AGAP1: variants seen among roughly 807,000 people sequenced by gnomAD.
AGAP1 encodes ArfGAP with GTPase domain, ankyrin repeat and PH domain 1, also known as arf-GAP with GTPase, ANK repeat and PH domain-containing protein 1.
Under a neutral mutation model 105.3 loss-of-function variants are expected in AGAP1, and 29 were observed. The ratio of observed to expected loss-of-function variants is 0.28; its 90% CI spans 0.21 to 0.38. The LOEUF is 0.38. Among genes scored for constraint, AGAP1 ranks in the 10% least tolerant of loss-of-function variants. The pLI is 1.00. For missense variants in AGAP1, 998 were observed against 1,165.1 expected (o/e 0.86, Z 2.09); for synonymous variants, 509 against 485.9 (o/e 1.05, Z -0.63).
chr2:235,618,918 C>T (rs1946388782), intron 1 of AGAP1, among the ~76,000 whole-genome samples: 1 of 152,096 alleles, frequency 6.6e-6, no homozygotes, highest in Non-Finnish European at 1.5e-5. Context: ...GTGGATCTGT[C>T]ATAATCACAG....
rs534537019 is a variant in AGAP1 at position 235,852,330 on chromosome 2, C to G, written c.1051-31015C>G. 2.0e-5 allele frequency among the ~76,000 whole-genome samples: 3 copies of G among 152,250 alleles called. No homozygotes were observed. The South Asian group carries it at 6.2e-4, about 32-fold the overall frequency. Reference sequence around the variant, plus strand: ...TGCCTATTGTCTGCGTCTGCGTTTGCTTTTTAATGCCAGCGCCCAGCGAGG... The same window carrying G: ...TGCCTATTGTCTGCGTCTGCGTTTGGTTTTTAATGCCAGCGCCCAGCGAGG... On this transcript the variant is annotated intron_variant, in intron 9 of 17. Transcript: ENST00000304032.
At chr2:236,034,742 A>G (rs1012820474) in intron 13 of AGAP1, among the ~76,000 whole-genome samples, 1 of 152,218 alleles carries the variant, frequency 6.6e-6, no homozygotes, top group African/African-American at 2.4e-5. Flanking sequence ...CCAGGGCCTC[A>G]GGCCCGACCT....
intron 1 of AGAP1, among the ~76,000 whole-genome samples, chr2:235,606,772 A>G (rs1292518122): frequency 1.3e-5 from 2 of 152,186 alleles, no homozygotes; most frequent in East Asian, 3.9e-4. Context: ...AACATGGTGA[A>G]ACCCCGTCTC....
intron 10 of AGAP1, among the ~76,000 whole-genome samples, chr2:235,902,980 GTTTGGGGCTACTACTT>G (rs1469617274): frequency 1.3e-5 from 2 of 152,150 alleles, no homozygotes; most frequent in African/African-American, 4.8e-5. Flanking sequence ...GACTAGTACA[GTTTGGGGCTACTACTT>G]TGATTCATGT....
rs1318219392 is a variant in AGAP1 at position 235,623,190 on chromosome 2, C to A, written c.164-85989C>A. 6.6e-6 allele frequency among the ~76,000 whole-genome samples: 1 copy of A among 152,212 alleles called. No homozygotes were observed. On this transcript the variant is annotated intron_variant, in intron 1 of 17. Coordinates refer to ENST00000304032, the MANE Select transcript of AGAP1 (RefSeq NM_001037131.3). The surrounding 1 kb of genome is among the most constrained non-coding windows in gnomAD (Gnocchi z 4.5). ...CTTTCATTTCGAACTTTCAATACAG[C>A]TGCAGAAACAATGCATCTGAACGGA...
intron 13 of AGAP1, among the ~76,000 whole-genome samples, chr2:236,021,093 G>A (rs1002384868): frequency 6.6e-6 from 1 of 150,840 alleles, no homozygotes; most frequent in African/African-American, 2.4e-5. Flanking sequence ...TTGAACCAGG[G>A]AGGCAGAGGT....
chr2:235,715,282 A>C (rs1951044786), intron 2 of AGAP1, among the ~76,000 whole-genome samples: 1 of 152,108 alleles, frequency 6.6e-6, no homozygotes, highest in Non-Finnish European at 1.5e-5. Flanking sequence ...AGGGACTATG[A>C]CAAGTGTACA....
chr2:235,771,695 A>C (rs939994950), intron 6 of AGAP1, among the ~76,000 whole-genome samples: 4 of 152,082 alleles, frequency 2.6e-5, no homozygotes, highest in African/African-American at 9.7e-5. Flanking sequence ...CGTCAGTTAC[A>C]TCTTGTGCAG....
At position 235,925,924 on chromosome 2, in the gene AGAP1, A is replaced by G. The variant is rs970251960; in HGVS notation, c.1325-4841A>G. 2.0e-5 allele frequency among the ~76,000 whole-genome samples: 3 copies of G among 152,370 alleles called. No homozygotes were observed. In the South Asian group the frequency reaches 6.2e-4, roughly 32 times the overall value. ...AACTTCAGACCTTCAGCCTTAATTA[A>G]TAACTCATTAACGTGAAATGAATTC... On this transcript the variant is annotated intron_variant, in intron 11 of 17. Transcript: ENST00000304032.
In AGAP1 at chr2:235,867,988, T is replaced by C. The variant is rs895512424; in HGVS notation, c.1051-15357T>C. On this transcript the variant is annotated intron_variant, in intron 9 of 17. Coordinates refer to ENST00000304032, the MANE Select transcript of AGAP1 (RefSeq NM_001037131.3). The surrounding 1 kb of genome is among the most constrained non-coding windows in gnomAD (Gnocchi z 5.4). ...AAAATCTTAATTAGAATAATTAGAA[T>C]AAAATTATTAAATGCAAATGTGTGA... 2.0e-5 allele frequency among the ~76,000 whole-genome samples: 3 copies of C among 152,186 alleles called. No individual in the cohort carries two copies. The highest frequency in any genetic ancestry group is 4.4e-5 in the Non-Finnish European group (3 of 68,036).
chr2:235,845,555 G>A lies in AGAP1; in HGVS notation c.1051-37790G>A, dbSNP rs1197239064. Among the ~76,000 whole-genome samples the A allele has an allele frequency of 1.3e-5, 2 of 151,844 alleles. No individual in the cohort carries two copies. The highest frequency in any genetic ancestry group is 2.9e-5 in the Non-Finnish European group (2 of 67,980). ...CCGACAGCCCAGCCGGTCGACAGCA[G>A]ACCTTTCCTTCCAGTTATTCCTTTC... On this transcript the variant is annotated intron_variant, in intron 9 of 17. Coordinates refer to ENST00000304032, the MANE Select transcript of AGAP1 (RefSeq NM_001037131.3). This position sits in a 1 kb window ranked among gnomAD's most constrained non-coding sequence, Gnocchi z 4.8.
chr2:235,834,037 C>T (rs1472888993), intron 9 of AGAP1, among the ~76,000 whole-genome samples: 4 of 151,342 alleles, frequency 2.6e-5, no homozygotes, highest in Non-Finnish European at 4.4e-5. Flanking sequence ...TGAGCCAGCC[C>T]CCTCCATGTA....
intron 16 of AGAP1, among the ~76,000 whole-genome samples, chr2:236,088,400 C>G (rs2058982680): frequency 6.6e-6 from 1 of 152,240 alleles, no homozygotes; most frequent in Admixed American, 6.5e-5. Context: ...TTGTCACACT[C>G]TGTAATGACC....
intron 1 of AGAP1, among the ~76,000 whole-genome samples, chr2:235,605,630 A>C (rs958441123): frequency 9.2e-5 from 14 of 152,256 alleles, no homozygotes; most frequent in Admixed American, 3.9e-4. Flanking sequence ...GCGATATTTA[A>C]GAAATGCAGG....
rs935141299 is a variant in AGAP1 at position 235,866,662 on chromosome 2, C to G, written c.1051-16683C>G. Reference sequence around the variant, plus strand: ...AACTGCCATAACAGAAGACCACAGACTTTGTCTTAAACAGCAAACATTTAT... The same window carrying G: ...AACTGCCATAACAGAAGACCACAGAGTTTGTCTTAAACAGCAAACATTTAT... On this transcript the variant is annotated intron_variant, in intron 9 of 17. Transcript: ENST00000304032. This position sits in a 1 kb window ranked among gnomAD's most constrained non-coding sequence, Gnocchi z 6.1. 4.6e-5 allele frequency among the ~76,000 whole-genome samples: 7 copies of G among 152,226 alleles called. No homozygotes were observed. The highest frequency in any genetic ancestry group is 1.7e-4 in the African/African-American group (7 of 41,460).
chr2:235,863,278 C>T (rs2049012374), intron 9 of AGAP1, among the ~76,000 whole-genome samples: 1 of 152,190 alleles, frequency 6.6e-6, no homozygotes, highest in African/African-American at 2.4e-5. Context: ...AATGTGATTT[C>T]CATTTTGCAG....
chr2:235,908,753 G>A lies in AGAP1; in HGVS notation c.1171G>A (p.Val391Ile), dbSNP rs1433366349. The change falls in exon 11 of 18, where the codon GTT becomes ATT. Residue 391 changes from valine (V) to isoleucine (I), a missense_variant. Physicochemically the swap from Val to Ile is conservative, Grantham distance 29. Coordinates refer to ENST00000304032, the MANE Select transcript of AGAP1 (RefSeq NM_001037131.3). This position sits in a 1 kb window ranked among gnomAD's most constrained non-coding sequence, Gnocchi z 4.4. ...TTTTCAACAGGATTACATGCAGAAT[G>A]TTCATGGTAAGGAGATTGACCTTCT... ...HPSLHDYMQNVHGKEIDLLRT... is the reference protein window; with the variant it reads ...HPSLHDYMQNIHGKEIDLLRT... The A allele has an allele frequency of 2.5e-6, 4 of 1,607,542 alleles. No homozygotes were observed. The African/African-American group carries it at 4.1e-5, about 16-fold the overall frequency.
intron 6 of AGAP1, among the ~76,000 whole-genome samples, chr2:235,766,486 C>G (rs1379807632): frequency 2.6e-5 from 4 of 152,216 alleles, no homozygotes; most frequent in Non-Finnish European, 5.9e-5. Context: ...ATAAAACACA[C>G]TGGTTTAAGA....
At chr2:236,041,735 C>T (rs1038746048) in intron 15 of AGAP1, among the ~76,000 whole-genome samples, 3 of 152,172 alleles carry the variant, frequency 2.0e-5, no homozygotes, top group East Asian at 1.9e-4. Context: ...AGGAGTCAAA[C>T]GTGCATGGCG....
Sources: allele counts gnomAD v4.1 joint callset (sites outside exome capture counted in the v4.1 genomes callset), GRCh38; gene constraint gnomAD v4.1.1; non-coding constraint Gnocchi (gnomAD v3.1); transcripts MANE v1.5; gene names NCBI Gene and HGNC (gene_info 2026-07-23, HGNC 2026-07-21).